SLC19A1: variants seen among roughly 807,000 people sequenced by gnomAD.
The protein encoded by SLC19A1 is solute carrier family 19 member 1.
A neutral mutation model predicts 35.3 loss-of-function variants in SLC19A1; 37 were observed. The ratio of observed to expected loss-of-function variants is 1.05; its 90% confidence interval spans 0.81 to 1.38. SLC19A1 has a LOEUF of 1.38. Ranked by LOEUF, SLC19A1 falls within the 40% of genes most tolerant of loss-of-function variation. The probability of loss-of-function intolerance (pLI) is 0.00; values close to 1 mark genes in which losing one functional copy is unlikely to be tolerated. For synonymous variants in SLC19A1, 460 were observed against 398.5 expected (o/e 1.15, Z -1.84); for missense variants, 831 against 826.9 (o/e 1.00, Z -0.06).
chr21:45,511,060 C>T, downstream of SLC19A1: 7 of 754,704 alleles, frequency 9.3e-6, no homozygotes, highest in Non-Finnish European at 1.5e-5. Flanking sequence ...ACACCCACAC[C>T]CATCCACACC....
Position 45,516,114 on chromosome 21 carries a change from C to A in SLC19A1, c.1320G>T (p.Leu440=), listed in dbSNP as rs777949674. The A allele has an allele frequency of 8.1e-6, 13 of 1,608,440 alleles. No individual in the cohort carries two copies. The highest frequency in any genetic ancestry group is 1.3e-5 in the African/African-American group (1 of 74,892). ...CCAAGAAGTAGATGATGGACAGGAT[C>A]AGGAAGTACACGGAGTATAACTGGA... The part of the protein sequence containing the change: ...KQFQLYSVYF[L]ILSIIYFLGA... The change falls in exon 6 of 6, where the codon CTG becomes CTT. Residue 440 remains leucine (L), a synonymous_variant. Transcript: ENST00000311124.
downstream of SLC19A1, chr21:45,507,633 G>C: frequency 6.3e-7 from 1 of 1,587,722 alleles, no homozygotes; most frequent in Non-Finnish European, 8.6e-7. Context: ...TGGGTGGTCA[G>C]GACATGAGGG....
downstream of SLC19A1, among the ~76,000 whole-genome samples, chr21:45,508,713 A>T (rs1435041123): frequency 6.6e-6 from 1 of 152,062 alleles, no homozygotes; most frequent in African/African-American, 2.4e-5. Context: ...GCTCTCACTC[A>T]TTTGCTGATT....
chr21:45,542,068 C>G (rs1486486399), intron 1 of SLC19A1, among the ~76,000 whole-genome samples: 2 of 142,650 alleles, frequency 1.4e-5, no homozygotes, highest in Admixed American at 1.4e-4. Flanking sequence ...GGCTGCAGAC[C>G]GCAGACCCCG....
intron 1 of SLC19A1, among the ~76,000 whole-genome samples, chr21:45,550,331 C>A (rs960110445): frequency 1.4e-4 from 22 of 152,278 alleles, no homozygotes; most frequent in Non-Finnish European, 2.1e-4. Context: ...TTCTCTCCAG[C>A]CCCCACAGAC....
rs2077946474 is a variant in SLC19A1 at position 45,532,088 on chromosome 21, A to G, written c.250T>C (p.Phe84Leu). The change falls in exon 3 of 6, where the codon TTC becomes CTC. Residue 84 changes from phenylalanine to leucine, a missense_variant. Physicochemically the swap from Phe to Leu is conservative, Grantham distance 22. Transcript: ENST00000311124. ...YSYLAVLVPVFLLTDYLRYTP... is the reference protein window; with the variant it reads ...YSYLAVLVPVLLLTDYLRYTP... ...TAGCGCAGGTAGTCGGTGAGCAGGAACACGGGCACCAGCACGGCCAGGTAG... is the reference window on the plus strand; with the variant it reads ...TAGCGCAGGTAGTCGGTGAGCAGGAGCACGGGCACCAGCACGGCCAGGTAG... The G allele has an allele frequency of 6.2e-7, 1 of 1,612,252 alleles. No individual in the cohort carries two copies. Among genetic ancestry groups the G allele is most frequent in the East Asian group, 2.2e-5 (1 of 44,858 alleles).
downstream of SLC19A1, among the ~76,000 whole-genome samples, chr21:45,507,995 AGGTGGATGGATGGATG>A (rs368126072): frequency 3.7e-3 from 562 of 152,134 alleles, 2 homozygotes; most frequent in African/African-American, 0.013. Flanking sequence ...ATCAATGGGG[AGGTGGATGGATGGATG>A]GGTGGATGGA....
intron 1 of SLC19A1, among the ~76,000 whole-genome samples, chr21:45,538,576 G>A (rs536665932): frequency 9.2e-5 from 14 of 152,334 alleles, no homozygotes; most frequent in Admixed American, 3.3e-4. Context: ...CCCATCAGCC[G>A]CGTGCCCTGG....
intron 4 of SLC19A1, among the ~76,000 whole-genome samples, chr21:45,529,741 T>A (rs928482959): frequency 2.6e-5 from 4 of 151,574 alleles, no homozygotes; most frequent in Non-Finnish European, 4.4e-5. Context: ...TGTCCATGTG[T>A]GCTGTGTCCA....
intron 1 of SLC19A1, among the ~76,000 whole-genome samples, chr21:45,553,350 C>T (rs73910105): frequency 1.1e-3 from 161 of 152,006 alleles, no homozygotes; most frequent in African/African-American, 3.7e-3. Flanking sequence ...CCATGAGGGT[C>T]CCCGGGATAA....
chr21:45,509,550 G>T, downstream of SLC19A1: 2 of 1,536,742 alleles, frequency 1.3e-6, no homozygotes, highest in East Asian at 2.4e-5. Context: ...ACCTGCGGCC[G>T]GCGCGACCCA....
At chr21:45,536,942 G>A (rs112068168) in intron 2 of SLC19A1, among the ~76,000 whole-genome samples, 48 of 152,270 alleles carry the variant, frequency 3.2e-4, no homozygotes, top group African/African-American at 1.1e-3. Context: ...CTTCGGATAC[G>A]GCCGCTCCCG....
chr21:45,558,684 G>A (rs2146514948), intron 1 of SLC19A1, among the ~76,000 whole-genome samples: 1 of 152,338 alleles, frequency 6.6e-6, no homozygotes, highest in East Asian at 1.9e-4. Context: ...GGGAGTCGGG[G>A]CAGCCTTGTT....
At chr21:45,504,749 AC>A (rs1024922113) in intron 3 of SLC19A1, among the ~76,000 whole-genome samples, 3 of 150,940 alleles carry the variant, frequency 2.0e-5, no homozygotes, top group East Asian at 2.0e-4. Flanking sequence ...GACCCCGGAC[AC>A]CCCCCGTCCC....
In SLC19A1 at chr21:45,515,012, A is replaced by T; in HGVS notation, c.*646T>A. The T allele has an allele frequency of 6.5e-7, 1 of 1,533,148 alleles. No individual in the cohort carries two copies. The highest frequency in any genetic ancestry group is 8.8e-7 in the Non-Finnish European group (1 of 1,142,072). The allele number at this position is 1,533,148 out of a possible 1,614,324, so 95.0% of individuals were successfully genotyped here. On this transcript the variant is annotated 3_prime_UTR_variant, in exon 6 of 6. Transcript: ENST00000311124. ...ACACTTCAGAAGGACAGACAGGACC[A>T]TGGAGGGCTGCCCTTAGGGTGGGAG...
chr21:45,504,503 G>A lies in SLC19A1; in HGVS notation c.498-5891C>T, dbSNP rs753363173. 152 of 1,388,924 alleles carry A rather than the reference G, an allele frequency of 1.1e-4. 1 individual carries two copies. Among genetic ancestry groups the A allele is most frequent in the Admixed American group, 6.7e-4 (27 of 40,276 alleles). 86.0% of individuals were successfully genotyped at this position (1,388,924 alleles called of 1,614,324 possible). On this transcript the variant is annotated intron_variant, in intron 3 of 4. Transcript: ENST00000417954. Reference sequence around the variant, plus strand: ...CGGTTTCTTCGGCTCCAGCCTGCCCGGCCCCCCCGGCCCCCCAGGCCCCCC... The same window carrying A: ...CGGTTTCTTCGGCTCCAGCCTGCCCAGCCCCCCCGGCCCCCCAGGCCCCCC...
rs547229026 is a variant in SLC19A1, at chr21:45,504,571, G to A, written c.498-5959C>T. ...CTGGGATTCCAGTAAGTCCCAGCCT[G>A]TGCAGGCAGAGCCCATGTCCCAGGG... On this transcript the variant is annotated intron_variant, in intron 3 of 4. Coordinates refer to the SLC19A1 transcript ENST00000417954. 2.8e-5 allele frequency: 44 copies of A among 1,564,492 alleles called. No homozygotes were observed. In the African/African-American group the frequency reaches 5.6e-4, roughly 20 times the overall value.
chr21:45,504,328 C>A, intron 3 of SLC19A1: 1 of 1,384,714 alleles, frequency 7.2e-7, no homozygotes, highest in Non-Finnish European at 9.9e-7. Flanking sequence ...AAGCTTCTGA[C>A]TGCCCAGCCC....
At chr21:45,512,434 C>A (rs529896759), downstream of SLC19A1, 1 of 1,593,152 alleles carries the variant, frequency 6.3e-7, no homozygotes, top group South Asian at 1.1e-5. Flanking sequence ...AGAGGACCGG[C>A]GGCTCGGAGG....
Sources: gnomAD v4.1 joint callset for allele counts (sites outside exome capture counted in the v4.1 genomes callset) on GRCh38, gnomAD v4.1.1 for gene constraint, MANE v1.5 for transcripts, NCBI Gene and HGNC (gene_info 2026-07-23, HGNC 2026-07-21) for gene names.